PCDHA5: variants seen among roughly 807,000 people sequenced by gnomAD.
PCDHA5 encodes protocadherin alpha-5.
Under a neutral mutation model 61.6 loss-of-function variants are expected in PCDHA5, and 43 were observed. That is an observed-to-expected ratio of 0.70 (90% CI 0.55 to 0.90). PCDHA5 has a LOEUF of 0.90. PCDHA5 is among the 40% of genes least tolerant of loss of function. The pLI is 0.00. For synonymous variants in PCDHA5, 627 were observed against 543.9 expected (o/e 1.15, Z -2.13); for missense variants, 1,298 against 1,222.7 (o/e 1.06, Z -0.92).
intron 1 of PCDHA5, chr5:140,860,221 A>G (rs545032981): frequency 3.3e-5 from 5 of 149,836 alleles, no homozygotes; most frequent in Non-Finnish European, 7.4e-5. Flanking sequence ...ACTTATGTAT[A>G]TATAAGCCAG....
intron 1 of PCDHA5, chr5:140,967,043 G>A: frequency 6.2e-7 from 1 of 1,612,108 alleles, no homozygotes; most frequent in Non-Finnish European, 8.5e-7. Context: ...CCTGGAGCTG[G>A]ACCTGACGAG....
chr5:140,865,144 T>G (rs2048753153), intron 1 of PCDHA5: 1 of 152,224 alleles, frequency 6.6e-6, no homozygotes, highest in East Asian at 1.9e-4. Context: ...AATTTAACAT[T>G]GTATACTTTT....
chr5:141,010,001 A>G lies in PCDHA5; in HGVS notation c.*64A>G. The G allele has an allele frequency of 6.4e-7, 1 of 1,574,588 alleles. No homozygotes were observed. The highest frequency in any genetic ancestry group is 8.6e-7 in the Non-Finnish European group (1 of 1,164,348). On this transcript the variant is annotated 3_prime_UTR_variant, in exon 4 of 4. Transcript: ENST00000529859. ...TAATAATGGCAAATCTCTCCCATGT[A>G]GCAATTCCCTGCTCCTTTTTCCTAT...
intron 1 of PCDHA5, among the ~76,000 whole-genome samples, chr5:140,954,013 C>T (rs942687934): frequency 6.6e-6 from 1 of 152,172 alleles, no homozygotes; most frequent in African/African-American, 2.4e-5. Context: ...TCAGCTCCCA[C>T]ACATAGTGGG....
rs1554262937 is a variant in PCDHA5 at position 141,010,412 on chromosome 5, G to A, written c.*475G>A. 2.5e-6 allele frequency: 3 copies of A among 1,201,296 alleles called. No homozygotes were observed. Among genetic ancestry groups the A allele is most frequent in the Non-Finnish European group, 3.4e-6 (3 of 885,080 alleles). 74.4% of individuals were successfully genotyped at this position (1,201,296 alleles called of 1,614,324 possible). On this transcript the variant is annotated 3_prime_UTR_variant, in exon 4 of 4. Coordinates refer to ENST00000529859, the MANE Select transcript of PCDHA5 (RefSeq NM_018908.3). ...GAGACGAGCCAGCTTAGACTAATTG[G>A]TACAAGGAAGGCAAGAAAACAAAGA...
chr5:140,871,017 G>C, intron 1 of PCDHA5: 2 of 1,613,298 alleles, frequency 1.2e-6, no homozygotes, highest in Non-Finnish European at 8.5e-7. Flanking sequence ...CCCTGGACGA[G>C]GCAGACTCGC....
intron 1 of PCDHA5, chr5:140,882,163 GC>G: frequency 6.6e-7 from 1 of 1,509,690 alleles, no homozygotes; most frequent in Non-Finnish European, 8.9e-7. Flanking sequence ...AATACCTCTT[GC>G]GAATCCTTCC....
chr5:141,003,574 A>T (rs559561339), intron 3 of PCDHA5, among the ~76,000 whole-genome samples: 1 of 151,680 alleles, frequency 6.6e-6, no homozygotes, highest in African/African-American at 2.4e-5. Context: ...CAGACTCCCA[A>T]AGTGCTGGGA....
chr5:140,951,659 C>A (rs1293655737), intron 1 of PCDHA5, among the ~76,000 whole-genome samples: 1 of 152,164 alleles, frequency 6.6e-6, no homozygotes, highest in Non-Finnish European at 1.5e-5. Context: ...CCCACCAGGG[C>A]CTGCCTACAA....
At chr5:140,901,311 C>T (rs1242541248) in intron 1 of PCDHA5, among the ~76,000 whole-genome samples, 3 of 152,052 alleles carry the variant, frequency 2.0e-5, no homozygotes, top group Non-Finnish European at 4.4e-5. Context: ...GGAGAGTTTC[C>T]CCAATGTTTT....
chr5:140,870,264 G>C (rs1554163970), intron 1 of PCDHA5: 1 of 1,614,166 alleles, frequency 6.2e-7, no homozygotes, highest in South Asian at 1.1e-5. Context: ...TGACCTGCTC[G>C]CTGACGCCCC....
chr5:140,941,446 G>C (rs1241311664), intron 1 of PCDHA5, among the ~76,000 whole-genome samples: 1 of 150,694 alleles, frequency 6.6e-6, no homozygotes, highest in African/African-American at 2.4e-5. Flanking sequence ...CTCGGGAGTA[G>C]CTGGGATTAC....
intron 1 of PCDHA5, chr5:140,875,290 A>AT (rs1231810985): frequency 7.9e-6 from 11 of 1,396,906 alleles, no homozygotes; most frequent in Non-Finnish European, 1.0e-5. Context: ...AAACAGGAAA[A>AT]TTTTTTTCTC....
At chr5:141,003,761 C>T (rs1371194132) in intron 3 of PCDHA5, among the ~76,000 whole-genome samples, 3 of 152,160 alleles carry the variant, frequency 2.0e-5, no homozygotes, top group Admixed American at 1.3e-4. Flanking sequence ...TAATTATGGT[C>T]GTATTCTGTT....
At chr5:140,954,864 G>A (rs2095103058) in intron 1 of PCDHA5, among the ~76,000 whole-genome samples, 1 of 152,074 alleles carries the variant, frequency 6.6e-6, no homozygotes, top group Admixed American at 6.5e-5. Context: ...TGTCCTGAAT[G>A]GTATTGCCTA....
At chr5:140,922,144 A>C (rs906517842) in intron 1 of PCDHA5, among the ~76,000 whole-genome samples, 5 of 151,922 alleles carry the variant, frequency 3.3e-5, no homozygotes, top group African/African-American at 1.2e-4. Flanking sequence ...TCCTCCATGA[A>C]ACTCATCAAA....
At chr5:140,927,033 G>T in intron 1 of PCDHA5, 1 of 1,612,344 alleles carries the variant, frequency 6.2e-7, no homozygotes, top group Non-Finnish European at 8.5e-7. Context: ...GGCTGCCAGC[G>T]GCCGCTATGT....
At chr5:140,862,948 G>T (rs782222335) in intron 1 of PCDHA5, 1 of 543,712 alleles carries the variant, frequency 1.8e-6, no homozygotes, top group South Asian at 1.4e-5. Context: ...GTGAGCTGGT[G>T]CGGTATTCAG....
chr5:140,966,541 G>A (rs2096018356), intron 1 of PCDHA5: 2 of 462,844 alleles, frequency 4.3e-6, no homozygotes, highest in Admixed American at 4.3e-5. Context: ...TGAGCGACTC[G>A]GAGGCGAGCG....
Sources: gnomAD v4.1 joint callset for allele counts (sites outside exome capture counted in the v4.1 genomes callset) on GRCh38, gnomAD v4.1.1 for gene constraint, MANE v1.5 for transcripts, NCBI Gene and HGNC (gene_info 2026-07-23, HGNC 2026-07-21) for gene names.